The following SCN4A variants were observed in gnomAD, a reference collection of about 807,000 sequenced individuals.
The protein encoded by SCN4A is sodium channel protein type 4 subunit alpha.
SCN4A carries 83 observed loss-of-function variants against 162.0 expected under a neutral mutation model. The observed-to-expected ratio is 0.51, with a 90% CI of 0.43 to 0.61. The LOEUF (loss-of-function observed/expected upper bound fraction) is 0.61. Ranked by LOEUF, SCN4A falls within the 20% of genes least tolerant of loss-of-function variation. SCN4A has a pLI of 0.00. For missense variants in SCN4A, 2,196 were observed against 2,462.5 expected (o/e 0.89, Z 2.29); for synonymous variants, 944 against 985.1 (o/e 0.96, Z 0.78).
chr17:63,967,313 C>T (rs771706398), intron 6 of SCN4A, among the ~76,000 whole-genome samples: 2 of 151,848 alleles, frequency 1.3e-5, no homozygotes, highest in South Asian at 2.1e-4. Context: ...TCACCACGCC[C>T]GGCTAATTTT....
chr17:63,942,359 C>G (rs1037406221), intron 23 of SCN4A, among the ~76,000 whole-genome samples: 8 of 151,990 alleles, frequency 5.3e-5, no homozygotes, highest in African/African-American at 1.9e-4. Context: ...CTCTGGGTCT[C>G]CACTTCACTT....
At chr17:63,970,229 T>C (rs1909573316) in intron 5 of SCN4A, among the ~76,000 whole-genome samples, 1 of 152,178 alleles carries the variant, frequency 6.6e-6, no homozygotes, top group Non-Finnish European at 1.5e-5. Context: ...CTCTGCTCTG[T>C]CTGCTTATTT....
chr17:63,957,533 G>A lies in SCN4A; in HGVS notation c.2020-15C>T. The A allele has an allele frequency of 6.3e-7, 1 of 1,593,498 alleles. No homozygotes were observed. Among genetic ancestry groups the A allele is most frequent in the Non-Finnish European group, 8.6e-7 (1 of 1,164,848 alleles). ...AAGACCCGCAGCTGCCAAGCAGGGA[G>A]GGCAAGGGTGAATGAGGCCCAGGGA... On this transcript the variant is annotated splice_polypyrimidine_tract_variant and intron_variant, in intron 12 of 23. Coordinates refer to ENST00000435607, the MANE Select transcript of SCN4A (RefSeq NM_000334.4).
At chr17:63,961,548 A>C (rs1597980403) in intron 10 of SCN4A, 117 bp from the exon 11 acceptor site, 2 of 708,352 alleles carry the variant, frequency 2.8e-6, no homozygotes, top group Non-Finnish European at 4.9e-6. Context: ...CCACATCTCA[A>C]CCCTCTAGCA....
chr17:63,964,390 C>G, intron 9 of SCN4A, 78 bp downstream of exon 9: 2 of 1,345,696 alleles, frequency 1.5e-6, no homozygotes, highest in South Asian at 1.2e-5. Flanking sequence ...CTCGGCCCCC[C>G]AGGGAGAAGC....
chr17:63,945,645 G>T lies in SCN4A; in HGVS notation c.3442-7C>A, dbSNP rs1453780267. On this transcript the variant is annotated splice_polypyrimidine_tract_variant and splice_region_variant and intron_variant, in intron 18 of 23. Transcript: ENST00000435607. The surrounding 1 kb of genome is among the most constrained non-coding windows in gnomAD (Gnocchi z 4.4). The stretch of plus-strand genomic sequence containing the variant: ...GGAGGGCGTTCACCACCACCTGGGG[G>T]CCAGGGGGTCCATTGCCAGTGCCTC... The T allele has an allele frequency of 1.2e-6, 2 of 1,613,570 alleles. No homozygotes were observed. The highest frequency in any genetic ancestry group is 2.2e-5 in the South Asian group (2 of 91,078).
intron 12 of SCN4A, among the ~76,000 whole-genome samples, chr17:63,958,014 A>AAAAAAG (rs1555603225): frequency 8.0e-5 from 12 of 150,662 alleles, no homozygotes; most frequent in African/African-American, 2.0e-4. Context: ...AAAAAAAAAA[A>AAAAAAG]AAAAAGAAAA....
At position 63,959,346 on chromosome 17, in the gene SCN4A, G is replaced by A. The variant is rs1252714111; in HGVS notation, c.1938C>T (p.Asp646=). ...CCAGGCTGAGGGTGACGATGATGCT[G>A]TCGAAGATATTCCAACCCTGCTGGA... ...EYFQQGWNIF[D]SIIVTLSLVE... Residue 646 remains aspartate, a synonymous_variant, in exon 12 of 24, where the codon GAC becomes GAT. Transcript: ENST00000435607. 1 of 1,613,988 alleles carries A rather than the reference G, an allele frequency of 6.2e-7. No individual in the cohort carries two copies. The highest frequency in any genetic ancestry group is 8.5e-7 in the Non-Finnish European group (1 of 1,179,856).
rs1225794551 is a variant in SCN4A, at chr17:63,945,457, T to C, written c.3623A>G (p.Glu1208Gly). ...GCCTGTGTGCATGAGGCTCTCGCAC[T>C]CAGACTTGTTGTTGACCTCGGAGAT... is the stretch of plus-strand genomic sequence containing the variant. ...FDISEVNNKS[E>G]CESLMHTGQV... The change falls in exon 19 of 24, where the codon GAG becomes GGG. Residue 1208 changes from glutamate to glycine, a missense_variant. By Grantham distance (98) the Glu-to-Gly change is moderately conservative. Coordinates refer to ENST00000435607, the MANE Select transcript of SCN4A (RefSeq NM_000334.4). The surrounding 1 kb of genome is among the most constrained non-coding windows in gnomAD (Gnocchi z 4.4). The C allele has an allele frequency of 6.2e-7, 1 of 1,613,946 alleles. No homozygotes were observed. Among genetic ancestry groups the C allele is most frequent in the Admixed American group, 1.7e-5 (1 of 60,024 alleles).
chr17:63,960,803 C>T (rs979909127), intron 11 of SCN4A, among the ~76,000 whole-genome samples: 8 of 152,084 alleles, frequency 5.3e-5, no homozygotes, highest in Non-Finnish European at 1.0e-4. Flanking sequence ...GATCCCTTGG[C>T]TCCTTTCAGG....
chr17:63,942,021 G>A (rs1908555561), intron 23 of SCN4A, 28 bp from the exon 24 acceptor site: 2 of 1,532,328 alleles, frequency 1.3e-6, no homozygotes, highest in Non-Finnish European at 1.8e-6. Flanking sequence ...TGAGGACGCT[G>A]CCACTGGGGA....
Position 63,941,849 on chromosome 17 carries a change from G to A in SCN4A, c.4433C>T (p.Ser1478Leu), listed in dbSNP as rs201911612. The A allele has an allele frequency of 5.6e-6, 9 of 1,614,144 alleles. No homozygotes were observed. The highest frequency in any genetic ancestry group is 5.3e-5 in the African/African-American group (4 of 75,054). ...GCCGATGTTGAAGAGGGCAGGCAGCGACATCATGAGGGCGAACAGCAGCGT... is the reference window on the plus strand; with the variant it reads ...GCCGATGTTGAAGAGGGCAGGCAGCAACATCATGAGGGCGAACAGCAGCGT... ...IRTLLFALMM[S>L]LPALFNIGLL... Residue 1478 changes from serine (S) to leucine (L), a missense_variant, in exon 24 of 24, where the codon TCG (serine) becomes TTG (leucine). Transcript: ENST00000435607. The surrounding 1 kb of genome is among the most constrained non-coding windows in gnomAD (Gnocchi z 6.2).
At position 63,940,760 on chromosome 17, in the gene SCN4A, G is replaced by C; in HGVS notation, c.*11C>G. Reference sequence around the variant, plus strand: ...ATGCCGAGACTCAGTGGGCCACCCCGATGCTGCCTGCTAGACAAGAGACTC... The same window carrying C: ...ATGCCGAGACTCAGTGGGCCACCCCCATGCTGCCTGCTAGACAAGAGACTC... On this transcript the variant is annotated 3_prime_UTR_variant, in exon 24 of 24. Transcript: ENST00000435607. 1 of 1,548,766 alleles carries C rather than the reference G, an allele frequency of 6.5e-7. No individual in the cohort carries two copies. Among genetic ancestry groups the C allele is most frequent in the Non-Finnish European group, 8.7e-7 (1 of 1,146,006 alleles).
intron 12 of SCN4A, 61 bp downstream of exon 12, chr17:63,959,204 C>T: frequency 4.0e-6 from 6 of 1,488,506 alleles, no homozygotes; most frequent in Non-Finnish European, 4.6e-6. Context: ...CCTGTGCCCA[C>T]CCTCCTTAGT....
intron 10 of SCN4A, among the ~76,000 whole-genome samples, chr17:63,962,521 C>A (rs1333827139): frequency 6.6e-6 from 1 of 152,192 alleles, no homozygotes; most frequent in African/African-American, 2.4e-5. Context: ...GGCCCAGGCA[C>A]GATCTCACTT....
chr17:63,949,288 C>T (rs1409909651), intron 15 of SCN4A, 105 bp downstream of exon 15: 2 of 1,265,044 alleles, frequency 1.6e-6, no homozygotes, highest in Admixed American at 5.3e-5. Context: ...ACGGGGATGG[C>T]CAGGCAGCCC....
intron 4 of SCN4A, 70 bp from the exon 5 acceptor site, chr17:63,971,323 T>A: frequency 2.3e-6 from 2 of 854,144 alleles, no homozygotes; most frequent in East Asian, 2.7e-5. Flanking sequence ...AAATCAGGGC[T>A]CCTCCAGGCC....
chr17:63,943,341 T>TCCCTCCTCGCCGGGGACC (rs147283432), intron 22 of SCN4A, among the ~76,000 whole-genome samples: 1 of 151,636 alleles, frequency 6.6e-6, no homozygotes, highest in Non-Finnish European at 1.5e-5. Flanking sequence ...TTCATGGTCC[T>TCCCTCCTCGCCGGGGACC]CCCTTCAAGA....
chr17:63,949,588 A>G (rs1351048006), intron 14 of SCN4A, 60 bp from the exon 15 acceptor site: 3 of 1,528,204 alleles, frequency 2.0e-6, no homozygotes, highest in Non-Finnish European at 2.7e-6. Context: ...TCATCCTCCT[A>G]CCAGATGGGG....
Sources: allele counts gnomAD v4.1 joint callset (sites outside exome capture counted in the v4.1 genomes callset), GRCh38; gene constraint gnomAD v4.1.1; non-coding constraint Gnocchi (gnomAD v3.1); transcripts MANE v1.5; gene names NCBI Gene and HGNC (gene_info 2026-07-23, HGNC 2026-07-21).